NR3C2: variants seen among roughly 807,000 people sequenced by gnomAD.
NR3C2 encodes nuclear receptor subfamily 3 group C member 2.
In NR3C2, 15 loss-of-function variants were observed where a neutral mutation model predicts 86.4. The observed-to-expected ratio is 0.17, with a 90% confidence interval of 0.12 to 0.27. The LOEUF is 0.27. Among genes scored for constraint, NR3C2 ranks in the 10% least tolerant of loss-of-function variants. The pLI is 1.00. For synonymous variants in NR3C2, 458 were observed against 450.5 expected (o/e 1.02, Z -0.21); for missense variants, 960 against 1,195.6 (o/e 0.80, Z 2.91).
In NR3C2 at chr4:148,435,986, G is replaced by C. The variant is rs1165726682; in HGVS notation, c.875C>G (p.Thr292Ser). The C allele has an allele frequency of 6.2e-7, 1 of 1,614,214 alleles. No homozygotes were observed. The highest frequency in any genetic ancestry group is 1.1e-5 in the South Asian group (1 of 91,090). ...AGGGCTAGACACAGAGGATCTCAGAGTGACATTATTGGGACTGGAGACTGG... is the reference window on the plus strand; with the variant it reads ...AGGGCTAGACACAGAGGATCTCAGACTGACATTATTGGGACTGGAGACTGG... Reference protein sequence around the residue: ...KSPVSSPNNVTLRSSVSSPAN... With the variant: ...KSPVSSPNNVSLRSSVSSPAN... The change falls in exon 2 of 9, where the codon ACT becomes AGT. Residue 292 changes from threonine (T) to serine (S), a missense_variant. Physicochemically the swap from Thr to Ser is moderately conservative, Grantham distance 58. Coordinates refer to ENST00000358102, the MANE Select transcript of NR3C2 (RefSeq NM_000901.5).
chr4:148,339,670 GA>G (rs542795109), intron 2 of NR3C2, among the ~76,000 whole-genome samples: 2 of 150,970 alleles, frequency 1.3e-5, no homozygotes, highest in Non-Finnish European at 3.0e-5. Context: ...AAAGAGAGAG[GA>G]AAAAAAAGTC....
At chr4:148,157,578 A>G (rs1353447567) in intron 4 of NR3C2, among the ~76,000 whole-genome samples, 1 of 152,112 alleles carries the variant, frequency 6.6e-6, no homozygotes, top group Non-Finnish European at 1.5e-5. Context: ...TGGGAGGTAG[A>G]TGGGTAGATG....
At chr4:148,217,005 T>G (rs1199863028) in intron 3 of NR3C2, among the ~76,000 whole-genome samples, 1 of 152,168 alleles carries the variant, frequency 6.6e-6, no homozygotes, top group African/African-American at 2.4e-5. Flanking sequence ...GAACTGAAAC[T>G]GAAAGTTAAA....
intron 2 of NR3C2, among the ~76,000 whole-genome samples, chr4:148,335,806 A>C (rs1357461533): frequency 6.6e-6 from 1 of 152,160 alleles, no homozygotes; most frequent in Non-Finnish European, 1.5e-5. Flanking sequence ...CTGAGACTTT[A>C]AGAAAATCAT....
At chr4:148,119,628 A>G (rs1228899099) in intron 7 of NR3C2, among the ~76,000 whole-genome samples, 1 of 152,180 alleles carries the variant, frequency 6.6e-6, no homozygotes, top group Admixed American at 6.5e-5. Context: ...TCTACTAAAA[A>G]TACAAAAATT....
intron 2 of NR3C2, among the ~76,000 whole-genome samples, chr4:148,410,935 A>G (rs917815413): frequency 6.6e-5 from 10 of 152,342 alleles, no homozygotes; most frequent in African/African-American, 2.4e-4. Flanking sequence ...GTCACCAAAG[A>G]CATAAGCCAA....
At chr4:148,100,072 TG>T (rs1428130341) in intron 8 of NR3C2, among the ~76,000 whole-genome samples, 2 of 152,230 alleles carry the variant, frequency 1.3e-5, no homozygotes, top group East Asian at 3.8e-4. Context: ...ACATGTTCTA[TG>T]GGTTTGTAAC....
At position 148,435,594 on chromosome 4, in the gene NR3C2, A is replaced by T; in HGVS notation, c.1267T>A (p.Phe423Ile). Residue 423 changes from phenylalanine (F) to isoleucine (I), a missense_variant, in exon 2 of 9, where the codon TTC becomes ATC. By Grantham distance (21) the Phe-to-Ile change is conservative. This residue lies in a region of NR3C2 where 680 missense variants were observed against 719.0 expected (regional missense o/e 0.95). Coordinates refer to ENST00000358102, the MANE Select transcript of NR3C2 (RefSeq NM_000901.5). The part of the protein sequence containing the change: ...GNSKINSDSS[F>I]SVPIKQESTK... Reference sequence around the variant, plus strand: ...GATTCTTGCTTTATTGGTACTGAGAATGAAGAATCCGAATTTATTTTGCTA... The same window carrying T: ...GATTCTTGCTTTATTGGTACTGAGATTGAAGAATCCGAATTTATTTTGCTA... The T allele has an allele frequency of 6.2e-7, 1 of 1,614,154 alleles. No individual in the cohort carries two copies. The highest frequency in any genetic ancestry group is 8.5e-7 in the Non-Finnish European group (1 of 1,180,030).
intron 8 of NR3C2, 137 bp downstream of exon 8, chr4:148,113,967 C>T: frequency 9.7e-7 from 1 of 1,031,064 alleles, no homozygotes; most frequent in Non-Finnish European, 1.5e-6. Context: ...GCCCCTTGGA[C>T]ATGGCGATAT....
chr4:148,303,209 G>C (rs1003685528), intron 2 of NR3C2, among the ~76,000 whole-genome samples: 3 of 152,106 alleles, frequency 2.0e-5, no homozygotes, highest in African/African-American at 7.2e-5. Context: ...TTAAATTCTA[G>C]ACTCATTAGT....
In NR3C2 at chr4:148,205,143, A is replaced by G. The variant is rs1449199593; in HGVS notation, c.1898-10281T>C. ...CATAGCCCAGTTTCTGAACAACAAT[A>G]TAACTCTAGACCGAAATGAAACCCA... is the stretch of plus-strand genomic sequence containing the variant. On this transcript the variant is annotated intron_variant, in intron 3 of 8. Coordinates refer to ENST00000358102, the MANE Select transcript of NR3C2 (RefSeq NM_000901.5). Among the ~76,000 whole-genome samples, 3 of 152,236 alleles carry G rather than the reference A, an allele frequency of 2.0e-5. No individual in the cohort carries two copies. The East Asian group carries it at 5.8e-4, about 29-fold the overall frequency.
chr4:148,357,910 T>C (rs973124042), intron 2 of NR3C2, among the ~76,000 whole-genome samples: 2 of 152,216 alleles, frequency 1.3e-5, no homozygotes, highest in Non-Finnish European at 2.9e-5. Flanking sequence ...TTTATGCTGT[T>C]GTAAGAGGAA....
At chr4:148,205,265 GTGTT>G (rs1439893680) in intron 3 of NR3C2, among the ~76,000 whole-genome samples, 1 of 152,202 alleles carries the variant, frequency 6.6e-6, no homozygotes, top group Non-Finnish European at 1.5e-5. Context: ...TATTTGATAT[GTGTT>G]TGTTTTGCCA....
At chr4:148,188,132 T>C (rs1360901189) in intron 4 of NR3C2, among the ~76,000 whole-genome samples, 1 of 152,236 alleles carries the variant, frequency 6.6e-6, no homozygotes, top group Non-Finnish European at 1.5e-5. Context: ...ACAGTATAGT[T>C]TGAAATCAGG....
chr4:148,107,014 T>C (rs2149722002), intron 8 of NR3C2, among the ~76,000 whole-genome samples: 1 of 152,198 alleles, frequency 6.6e-6, no homozygotes, highest in African/African-American at 2.4e-5. Flanking sequence ...ACAAATGAGA[T>C]TTAATCACGC....
chr4:148,231,418 T>C (rs1738454385), intron 3 of NR3C2, among the ~76,000 whole-genome samples: 1 of 152,198 alleles, frequency 6.6e-6, no homozygotes, highest in Admixed American at 6.5e-5. Flanking sequence ...AGCAAGCACA[T>C]AGTTTTTTTG....
At chr4:148,127,697 G>A (rs1250678026) in intron 6 of NR3C2, among the ~76,000 whole-genome samples, 3 of 152,102 alleles carry the variant, frequency 2.0e-5, no homozygotes, top group African/African-American at 4.8e-5. Context: ...TTTACTTTTG[G>A]ATAAATAAAC....
intron 2 of NR3C2, among the ~76,000 whole-genome samples, chr4:148,373,854 A>G (rs188752672): frequency 2.0e-5 from 3 of 152,306 alleles, no homozygotes; most frequent in Admixed American, 2.0e-4. Context: ...AGTTAATAGG[A>G]TATATCTGTG....
chr4:148,246,983 A>G (rs934863327), intron 3 of NR3C2, among the ~76,000 whole-genome samples: 1 of 152,216 alleles, frequency 6.6e-6, no homozygotes, highest in African/African-American at 2.4e-5. Context: ...AATGCCTATT[A>G]GCATTACTTT....
Sources: gnomAD v4.1 joint callset for allele counts (sites outside exome capture counted in the v4.1 genomes callset) on GRCh38, gnomAD v4.1.1 for gene constraint, gnomAD v4.1.1 regional missense constraint, MANE v1.5 for transcripts, NCBI Gene and HGNC (gene_info 2026-07-23, HGNC 2026-07-21) for gene names.